GLIS3: variants seen among roughly 807,000 people sequenced by gnomAD.
GLIS3 encodes the protein zinc finger protein GLIS3.
Under a neutral mutation model 78.6 loss-of-function variants are expected in GLIS3, and 53 were observed. The ratio of observed to expected loss-of-function variants is 0.67; its 90% CI spans 0.54 to 0.85. GLIS3 has a LOEUF of 0.85. GLIS3 is among the 40% of genes least tolerant of loss of function. The probability of loss-of-function intolerance (pLI) is 0.00; values close to 1 mark genes in which losing one functional copy is unlikely to be tolerated. For synonymous variants in GLIS3, 684 were observed against 509.9 expected (o/e 1.34, Z -4.60); for missense variants, 1,703 against 1,231.1 (o/e 1.38, Z -5.74).
At chr9:4,189,371 A>G (rs1483635519) in intron 2 of GLIS3, among the ~76,000 whole-genome samples, 3 of 151,978 alleles carry the variant, frequency 2.0e-5, no homozygotes, top group Non-Finnish European at 4.4e-5. Context: ...GTTTGTTATA[A>G]TTTCTGTTCT....
At chr9:3,909,124 C>G (rs924386398) in intron 6 of GLIS3, among the ~76,000 whole-genome samples, 1 of 152,172 alleles carries the variant, frequency 6.6e-6, no homozygotes, top group South Asian at 2.1e-4. Context: ...GAAGGAAAGA[C>G]AGTAGGATTT....
At chr9:4,481,249 C>A in the GLIS3 span, among the ~76,000 whole-genome samples, 21 of 152,020 alleles carry the variant, frequency 1.4e-4, no homozygotes, top group Non-Finnish European at 2.8e-4. Context: ...TTTGGGAGGC[C>A]GAGGCAGGCG....
At chr9:4,489,139 T>C in the GLIS3 span, among the ~76,000 whole-genome samples, 2 of 152,252 alleles carry the variant, frequency 1.3e-5, no homozygotes, top group South Asian at 2.1e-4. Flanking sequence ...AGTCCTGAGA[T>C]TACAGGCAAG....
chr9:4,328,115 A>G (rs10739048), intron 2 of GLIS3, among the ~76,000 whole-genome samples: 152,179 of 152,288 alleles, frequency 1, 76,035 homozygotes, highest in Non-Finnish European at 1. Context: ...CCACTGATGG[A>G]AAAGCCCTGG....
intron 2 of GLIS3, among the ~76,000 whole-genome samples, chr9:4,252,577 T>C (rs1321980854): frequency 1.3e-5 from 2 of 152,104 alleles, no homozygotes; most frequent in Non-Finnish European, 2.9e-5. Context: ...CCAGAGGAGT[T>C]TGTTATTAGC....
chr9:4,367,156 A>G, the GLIS3 span, among the ~76,000 whole-genome samples: 2 of 152,208 alleles, frequency 1.3e-5, no homozygotes, highest in Admixed American at 6.5e-5. Context: ...TGCCTTTGAA[A>G]TCAACTTCCT....
chr9:4,356,686 G>C, the GLIS3 span, among the ~76,000 whole-genome samples: 1 of 152,180 alleles, frequency 6.6e-6, no homozygotes, highest in Non-Finnish European at 1.5e-5. Flanking sequence ...AAGACTGCTT[G>C]TTTCATTTAT....
chr9:3,841,120 G>A (rs1818689551), intron 9 of GLIS3, among the ~76,000 whole-genome samples: 1 of 152,140 alleles, frequency 6.6e-6, no homozygotes, highest in Non-Finnish European at 1.5e-5. Context: ...ATTAAAAGAT[G>A]TAATCAGTTT....
rs1217321769 is a variant in GLIS3 at position 4,157,130 on chromosome 9, G to A, written c.389-31189C>T. 3.3e-5 allele frequency among the ~76,000 whole-genome samples: 5 copies of A among 152,188 alleles called. No homozygotes were observed. The East Asian group carries it at 5.8e-4, about 18-fold the overall frequency. Reference sequence around the variant, plus strand: ...AGTGTATGAATATTATTTTCAGAAAGGTGCGTGCGGTAATTATAAGCTATT... The same window carrying A: ...AGTGTATGAATATTATTTTCAGAAAAGTGCGTGCGGTAATTATAAGCTATT... On this transcript the variant is annotated intron_variant, in intron 2 of 10. Transcript: ENST00000381971.
At chr9:4,369,917 C>T in the GLIS3 span, among the ~76,000 whole-genome samples, 2 of 152,190 alleles carry the variant, frequency 1.3e-5, no homozygotes, top group East Asian at 1.9e-4. Context: ...TCAGGCTTGG[C>T]AAGGTGGCTC....
the GLIS3 span, among the ~76,000 whole-genome samples, chr9:4,416,187 G>C: frequency 7.1e-6 from 1 of 141,638 alleles, no homozygotes; most frequent in African/African-American, 2.6e-5. Context: ...AGGAGGTTGA[G>C]GCAGCAGTGA....
chr9:4,068,184 A>C (rs1270403185), intron 4 of GLIS3, among the ~76,000 whole-genome samples: 1 of 152,192 alleles, frequency 6.6e-6, no homozygotes, highest in African/African-American at 2.4e-5. Context: ...GTAAAAACTT[A>C]AGGCAAATTT....
chr9:4,256,712 G>C (rs915262796), intron 2 of GLIS3, among the ~76,000 whole-genome samples: 1 of 152,324 alleles, frequency 6.6e-6, no homozygotes, highest in African/African-American at 2.4e-5. Context: ...CCTAAGGGCT[G>C]TTTATCAATA....
the GLIS3 span, among the ~76,000 whole-genome samples, chr9:4,378,870 T>G: frequency 6.6e-6 from 1 of 152,180 alleles, no homozygotes; most frequent in African/African-American, 2.4e-5. Flanking sequence ...ATGGCCGACC[T>G]GGAGACTGAT....
At position 4,286,025 on chromosome 9, in the gene GLIS3, A is replaced by G. The variant is rs1827960047; in HGVS notation, c.388+13T>C. The G allele has an allele frequency of 6.2e-7, 1 of 1,614,010 alleles. No individual in the cohort carries two copies. Among genetic ancestry groups the G allele is most frequent in the African/African-American group, 1.3e-5 (1 of 74,922 alleles). On this transcript the variant is annotated intron_variant, in intron 2 of 10. Coordinates refer to ENST00000381971, the MANE Select transcript of GLIS3 (RefSeq NM_001042413.2). ...GTTTCCATTTTTAAAAGGTTCCAGA[A>G]AGACAATCCTACCTTTCCCAGGATT...
intron 8 of GLIS3, among the ~76,000 whole-genome samples, chr9:3,876,325 A>C (rs200594859): frequency 7.5e-6 from 1 of 133,666 alleles, no homozygotes; most frequent in Non-Finnish European, 1.7e-5. Context: ...AAAAGAAATA[A>C]AAATTAAATG....
At chr9:4,097,403 C>A (rs1291952523) in intron 4 of GLIS3, among the ~76,000 whole-genome samples, 1 of 151,984 alleles carries the variant, frequency 6.6e-6, no homozygotes, top group Non-Finnish European at 1.5e-5. Flanking sequence ...GGCCTCAGTG[C>A]CCACCTGGGC....
At chr9:4,391,836 ATG>A in the GLIS3 span, among the ~76,000 whole-genome samples, 2 of 152,172 alleles carry the variant, frequency 1.3e-5, no homozygotes, top group Non-Finnish European at 2.9e-5. Context: ...GTGGAAGACA[ATG>A]TGGCGATTCC....
chr9:4,285,176 G>C (rs1006782892), intron 2 of GLIS3, among the ~76,000 whole-genome samples: 2 of 152,080 alleles, frequency 1.3e-5, no homozygotes, highest in African/African-American at 2.4e-5. Flanking sequence ...ATACCTTAAG[G>C]AATATATAAT....
Sources: allele counts gnomAD v4.1 joint callset (sites outside exome capture counted in the v4.1 genomes callset), GRCh38; gene constraint gnomAD v4.1.1; transcripts MANE v1.5; gene names NCBI Gene and HGNC (gene_info 2026-07-23, HGNC 2026-07-21).